Variants in SUPT16H observed in about 807,000 individuals in gnomAD.
SUPT16H encodes the protein FACT complex subunit SPT16.
In SUPT16H, 24 loss-of-function variants were observed where a neutral mutation model predicts 136.2. That is an observed-to-expected ratio of 0.18 (90% CI 0.13 to 0.25). The LOEUF is 0.25. Ranked by LOEUF, SUPT16H falls within the 10% of genes least tolerant of loss-of-function variation. The probability of loss-of-function intolerance (pLI) is 1.00; values close to 1 mark genes in which losing one functional copy is unlikely to be tolerated. For missense variants in SUPT16H, 623 were observed against 1,270.2 expected, an observed-to-expected ratio of 0.49 and a Z score of 7.74; for synonymous variants, 415 against 428.2, an observed-to-expected ratio of 0.97 and a Z score of 0.38.
chr14:21,360,939 G>A lies in SUPT16H; in HGVS notation c.1963C>T (p.Leu655=). ...TTCAGTTTCGGATTACTCCGGTTTA[G>A]ATTGATCACCAGTGAGTCTTGTTTT... ...IVKQDSLVIN[L]NRSNPKLKDL... Residue 655 remains leucine, a synonymous_variant, in exon 17 of 26, where the codon CTA becomes TTA. Transcript: ENST00000216297. The A allele has an allele frequency of 6.2e-7, 1 of 1,614,148 alleles. No homozygotes were observed. The highest frequency in any genetic ancestry group is 8.5e-7 in the Non-Finnish European group (1 of 1,180,024).
At position 21,367,066 on chromosome 14, in the gene SUPT16H, G is replaced by A. The variant is rs182648023; in HGVS notation, c.956-537C>T. ...CGCCTTTCTCCTGCGTCAGCTTCCC[G>A]AGTAGCTGAGACTACAGGTGCCTGC... is the stretch of plus-strand genomic sequence containing the variant. On this transcript the variant is annotated intron_variant, in intron 7 of 25. Transcript: ENST00000216297. 2.8e-3 allele frequency among the ~76,000 whole-genome samples: 431 copies of A among 152,114 alleles called. 2 individuals carry two copies. Among genetic ancestry groups the A allele is most frequent in the Non-Finnish European group, 4.7e-3 (321 of 67,994 alleles).
chr14:21,383,284 A>G, intron 1 of SUPT16H: 1 of 294,538 alleles, frequency 3.4e-6, no homozygotes. Flanking sequence ...TAATGCCTGC[A>G]GGCTTTCAGC....
chr14:21,378,108 A>C (rs1368562253), intron 1 of SUPT16H, among the ~76,000 whole-genome samples: 2 of 152,062 alleles, frequency 1.3e-5, no homozygotes, highest in African/African-American at 4.8e-5. Flanking sequence ...GCTTTTAAGC[A>C]ACAGAATAAA....
At chr14:21,378,157 C>A (rs1177314970) in intron 1 of SUPT16H, among the ~76,000 whole-genome samples, 1 of 149,066 alleles carries the variant, frequency 6.7e-6, no homozygotes, top group Non-Finnish European at 1.5e-5. Flanking sequence ...AGACTGGTAA[C>A]AGGATAATGT....
intron 14 of SUPT16H, 55 bp downstream of exon 14, chr14:21,362,739 A>C: frequency 6.5e-7 from 1 of 1,537,998 alleles, no homozygotes; most frequent in South Asian, 1.3e-5. Flanking sequence ...TGGCAAATAC[A>C]ATTACTATTT....
chr14:21,377,467 A>C (rs1886927873), intron 1 of SUPT16H, among the ~76,000 whole-genome samples: 1 of 152,238 alleles, frequency 6.6e-6, no homozygotes, highest in Admixed American at 6.5e-5. Context: ...CTACTGCATT[A>C]ACAAAGCCAA....
At chr14:21,353,396 T>C in intron 25 of SUPT16H, 92 bp downstream of exon 25, 1 of 1,270,164 alleles carries the variant, frequency 7.9e-7, no homozygotes, top group South Asian at 1.3e-5. Context: ...GTTACTTTCA[T>C]TACGCCATCA....
At chr14:21,363,621 A>C (rs756019169) in intron 10 of SUPT16H, 118 bp from the exon 11 acceptor site, 150 of 846,422 alleles carry the variant, frequency 1.8e-4, no homozygotes, top group Non-Finnish European at 2.8e-4. Flanking sequence ...TTGACAATGA[A>C]TAAATATAGT....
At chr14:21,373,197 C>T (rs1886825229) in intron 2 of SUPT16H, 141 bp downstream of exon 2, 4 of 658,862 alleles carry the variant, frequency 6.1e-6, no homozygotes, top group South Asian at 5.2e-5. Flanking sequence ...CCACCTGCCT[C>T]GGCCTCCCAA....
chr14:21,373,318 A>C lies in SUPT16H; in HGVS notation c.159+20T>G, dbSNP rs756147328. ...TAATCCAACAACTCTAAGAGCTAAA[A>C]ATTGCTGTAAATCTCTCACCTGTAA... On this transcript the variant is annotated intron_variant, in intron 2 of 25. Coordinates refer to ENST00000216297, the MANE Select transcript of SUPT16H (RefSeq NM_007192.4). 1.4e-5 allele frequency: 22 copies of C among 1,581,810 alleles called. 1 individual carries two copies. The South Asian group carries it at 2.1e-4, about 15-fold the overall frequency.
At chr14:21,360,283 C>A in intron 18 of SUPT16H, 132 bp downstream of exon 18, 1 of 638,938 alleles carries the variant, frequency 1.6e-6, no homozygotes, top group South Asian at 2.1e-5. Flanking sequence ...CCACCTCGGC[C>A]TCCCAAAGTG....
rs780956553 is a variant in SUPT16H at position 21,353,585 on chromosome 14, G to C, written c.2921-20C>G. 1.2e-6 allele frequency: 2 copies of C among 1,612,038 alleles called. No individual in the cohort carries two copies. Among genetic ancestry groups the C allele is most frequent in the Non-Finnish European group, 1.7e-6 (2 of 1,179,346 alleles). On this transcript the variant is annotated intron_variant, in intron 24 of 25. Transcript: ENST00000216297. Reference sequence around the variant, plus strand: ...AATAGTCTGGAAGAAAATTAATTAAGCGTTAGTCATCATGCGGGAACAGAA... The same window carrying C: ...AATAGTCTGGAAGAAAATTAATTAACCGTTAGTCATCATGCGGGAACAGAA...
chr14:21,363,982 A>T (rs1886612437), intron 10 of SUPT16H, among the ~76,000 whole-genome samples: 3 of 152,112 alleles, frequency 2.0e-5, no homozygotes, highest in Non-Finnish European at 4.4e-5. Context: ...CCCAGCCAAG[A>T]GCTACAATTT....
intron 1 of SUPT16H, chr14:21,383,589 G>A (rs1236646586): frequency 1.4e-6 from 1 of 699,614 alleles, no homozygotes; most frequent in East Asian, 2.7e-5. Context: ...CTCTTCTAGG[G>A]CGGGAAGAGA....
intron 1 of SUPT16H, among the ~76,000 whole-genome samples, chr14:21,374,973 C>T (rs1003058731): frequency 2.0e-5 from 3 of 151,992 alleles, no homozygotes; most frequent in Non-Finnish European, 2.9e-5. Context: ...GTTTTTATGT[C>T]GTTTTGATGA....
intron 1 of SUPT16H, among the ~76,000 whole-genome samples, chr14:21,374,188 C>T (rs1480606983): frequency 6.6e-6 from 1 of 152,184 alleles, no homozygotes; most frequent in Non-Finnish European, 1.5e-5. Flanking sequence ...AACCCCAGGG[C>T]AAAATGAACA....
At chr14:21,376,383 T>A (rs373814407) in intron 1 of SUPT16H, among the ~76,000 whole-genome samples, 4 of 152,090 alleles carry the variant, frequency 2.6e-5, no homozygotes, top group African/African-American at 9.7e-5. Context: ...ACTTCCCCTA[T>A]AAAGTCAAGA....
chr14:21,361,298 A>T (rs973237072), intron 15 of SUPT16H, 85 bp from the exon 16 acceptor site: 1 of 1,298,960 alleles, frequency 7.7e-7, no homozygotes, highest in Non-Finnish European at 1.1e-6. Flanking sequence ...TAAGCAGCTT[A>T]ATCTCTACTT....
rs991869314 is a variant in SUPT16H, at chr14:21,362,960, A to G, written c.1512-13T>C. 6.2e-7 allele frequency: 1 copy of G among 1,612,046 alleles called. No individual in the cohort carries two copies. The highest frequency in any genetic ancestry group is 8.5e-7 in the Non-Finnish European group (1 of 1,178,826). ...AGACTTGCGAGCTCTGGAGTGGGAT[A>G]AAAAAACAACTGAGAAATTTCTGCA... On this transcript the variant is annotated splice_polypyrimidine_tract_variant and intron_variant, in intron 13 of 25. Transcript: ENST00000216297.
Sources: gnomAD v4.1 joint callset for allele counts (sites outside exome capture counted in the v4.1 genomes callset) on GRCh38, gnomAD v4.1.1 for gene constraint, MANE v1.5 for transcripts, NCBI Gene and HGNC (gene_info 2026-07-23, HGNC 2026-07-21) for gene names.